Variants in MTUS1 observed in about 807,000 individuals in gnomAD.
The protein encoded by MTUS1 is microtubule associated scaffold protein 1.
MTUS1 carries 109 observed loss-of-function variants against 120.8 expected under a neutral mutation model. That is an observed-to-expected ratio of 0.90 (90% CI 0.77 to 1.06). The LOEUF is 1.06. MTUS1 is among the 50% of genes least tolerant of loss of function. The pLI, the probability that MTUS1 is intolerant of heterozygous loss-of-function variation, is 0.00. For missense variants in MTUS1, 2,210 were observed against 1,486.3 expected, an observed-to-expected ratio of 1.49 and a Z score of -8.01; for synonymous variants, 737 against 550.5, an observed-to-expected ratio of 1.34 and a Z score of -4.74.
At chr8:17,720,142 CG>C (rs974401831) in intron 4 of MTUS1, among the ~76,000 whole-genome samples, 2 of 152,048 alleles carry the variant, frequency 1.3e-5, no homozygotes, top group Non-Finnish European at 2.9e-5. Flanking sequence ...GTTAGGAGTT[CG>C]AGACCATCCT....
At chr8:17,700,089 T>G (rs994934738) in intron 6 of MTUS1, among the ~76,000 whole-genome samples, 1 of 152,178 alleles carries the variant, frequency 6.6e-6, no homozygotes, top group Non-Finnish European at 1.5e-5. Context: ...AAGATAGGCA[T>G]CACCAAGGAC....
intron 6 of MTUS1, among the ~76,000 whole-genome samples, chr8:17,704,431 C>A (rs760990685): frequency 2.6e-5 from 4 of 152,132 alleles, no homozygotes; most frequent in Non-Finnish European, 5.9e-5. Flanking sequence ...TTTAATCCAT[C>A]TCGAGTTGAT....
At chr8:17,727,917 T>A (rs1431485689) in intron 3 of MTUS1, among the ~76,000 whole-genome samples, 1 of 152,190 alleles carries the variant, frequency 6.6e-6, no homozygotes, top group Non-Finnish European at 1.5e-5. Context: ...TAACACAGTC[T>A]ATTGGATTTG....
intron 8 of MTUS1, among the ~76,000 whole-genome samples, chr8:17,662,102 C>T (rs945272059): frequency 3.3e-5 from 5 of 152,046 alleles, no homozygotes; most frequent in Non-Finnish European, 7.4e-5. Context: ...CATGGACTTT[C>T]CTGTGCACTG....
intron 8 of MTUS1, among the ~76,000 whole-genome samples, chr8:17,667,809 G>A (rs958028518): frequency 2.6e-5 from 4 of 152,114 alleles, no homozygotes; most frequent in African/African-American, 7.2e-5. Flanking sequence ...TAACCTCTGA[G>A]CCACAATTTA....
intron 2 of MTUS1, among the ~76,000 whole-genome samples, chr8:17,745,067 T>C (rs2047640962): frequency 6.6e-6 from 1 of 152,202 alleles, no homozygotes; most frequent in African/African-American, 2.4e-5. Flanking sequence ...TCCTCATATT[T>C]GGGTCAGAAT....
chr8:17,724,222 T>A (rs55835912), intron 3 of MTUS1: 3 of 399,778 alleles, frequency 7.5e-6, no homozygotes, highest in Non-Finnish European at 1.4e-5. Flanking sequence ...AAAAAAAAAA[T>A]AATCCATTAG....
chr8:17,653,328 G>C (rs1807449573), intron 11 of MTUS1, 47 bp from the exon 12 acceptor site: 3 of 1,485,338 alleles, frequency 2.0e-6, no homozygotes, highest in African/African-American at 1.4e-5. Context: ...GAAAACCCCA[G>C]AAACTCAGCA....
chr8:17,787,951 C>G (rs1051804125), intron 1 of MTUS1, among the ~76,000 whole-genome samples: 6 of 152,172 alleles, frequency 3.9e-5, no homozygotes, highest in Non-Finnish European at 7.4e-5. Context: ...GAAACCCCAC[C>G]TGCACTAAAA....
rs768654519 is a variant in MTUS1, at chr8:17,713,261, T to G, written c.2585-9A>C. On this transcript the variant is annotated splice_polypyrimidine_tract_variant and intron_variant, in intron 5 of 14. Transcript: ENST00000693296. ...ATTTTTTCTCGAAGGACCTAAGATATAAAAGAAACATGTAAAATACATATG... is the reference window on the plus strand; with the variant it reads ...ATTTTTTCTCGAAGGACCTAAGATAGAAAAGAAACATGTAAAATACATATG... The G allele has an allele frequency of 6.0e-6, 9 of 1,505,102 alleles. No individual in the cohort carries two copies. In the Admixed American group the frequency reaches 1.5e-4, roughly 26 times the overall value. 93.2% of individuals were successfully genotyped at this position (1,505,102 alleles called of 1,614,324 possible).
At position 17,653,183 on chromosome 8, in the gene MTUS1, T is replaced by C; in HGVS notation, c.3384+3A>G. On this transcript the variant is annotated splice_donor_region_variant and intron_variant, in intron 12 of 14. Transcript: ENST00000693296. ...TACTGATAAAGGAGCACACACAACT[T>C]ACCAAATTTGCTTTTTCTCTTGCTC... 1 of 1,517,750 alleles carries C rather than the reference T, an allele frequency of 6.6e-7. No individual in the cohort carries two copies. Among genetic ancestry groups the C allele is most frequent in the Non-Finnish European group, 8.9e-7 (1 of 1,129,016 alleles). 94.0% of individuals were successfully genotyped at this position (1,517,750 alleles called of 1,614,324 possible). A position where few individuals can be genotyped will look rare whatever the true frequency, so the allele number is the denominator to read the frequency against.
intron 6 of MTUS1, among the ~76,000 whole-genome samples, chr8:17,700,634 G>A (rs1818886558): frequency 6.6e-6 from 1 of 151,948 alleles, no homozygotes; most frequent in African/African-American, 2.4e-5. Context: ...TGCTCTGGGA[G>A]GTAGAAGAGG....
chr8:17,658,203 A>C (rs764598155), intron 8 of MTUS1, among the ~76,000 whole-genome samples: 21 of 152,194 alleles, frequency 1.4e-4, no homozygotes, highest in Non-Finnish European at 3.1e-4. Flanking sequence ...CGACCAGCTA[A>C]TTTTTGTATT....
In MTUS1 at chr8:17,754,900, T is replaced by A; in HGVS notation, c.908A>T (p.Asn303Ile). Residue 303 changes from asparagine to isoleucine, a missense_variant, in exon 2 of 15, where the codon AAT (asparagine) becomes ATT (isoleucine). Coordinates refer to ENST00000693296, the MANE Select transcript of MTUS1 (RefSeq NM_001363059.2). ...AAAGAACTCTTGTAATGCAGAATCA[T>A]TGGGGACTTCCATGCCATCAGAAAC... Reference protein sequence around the residue: ...TPVSDGMEVPNDSALQEFFCL... With the variant: ...TPVSDGMEVPIDSALQEFFCL... 1.2e-6 allele frequency: 2 copies of A among 1,614,222 alleles called. No homozygotes were observed. Among genetic ancestry groups the A allele is most frequent in the East Asian group, 4.5e-5 (2 of 44,884 alleles).
At chr8:17,777,685 G>C (rs1265750081) in intron 1 of MTUS1, among the ~76,000 whole-genome samples, 1 of 152,172 alleles carries the variant, frequency 6.6e-6, no homozygotes, top group East Asian at 1.9e-4. Flanking sequence ...GTTCTTAGAA[G>C]GACTCCATAT....
intron 1 of MTUS1, among the ~76,000 whole-genome samples, chr8:17,799,729 T>C (rs2052529421): frequency 6.6e-6 from 1 of 152,188 alleles, no homozygotes; most frequent in Non-Finnish European, 1.5e-5. Context: ...CATGATTTTC[T>C]ACCAAGCAGA....
rs375724220 is a variant in MTUS1, at chr8:17,676,172, G to C, written c.2839-920C>G. The C allele has an allele frequency of 2.8e-5, 19 of 686,446 alleles. No individual in the cohort carries two copies. In the African/African-American group the frequency reaches 3.2e-4, roughly 11 times the overall value. The allele number at this position is 686,446 out of a possible 1,614,324, so 42.5% of individuals were successfully genotyped here. ...AGATCATGAGACCCGGCCTTTGCAG[G>C]CAAGAGTTGCTTGTCATTCAAAGCA... is the stretch of plus-strand genomic sequence containing the variant. On this transcript the variant is annotated intron_variant, in intron 7 of 14. Coordinates refer to ENST00000693296, the MANE Select transcript of MTUS1 (RefSeq NM_001363059.2).
chr8:17,694,076 T>TA (rs1228474546), intron 6 of MTUS1, among the ~76,000 whole-genome samples: 1 of 152,226 alleles, frequency 6.6e-6, no homozygotes, highest in African/African-American at 2.4e-5. Flanking sequence ...GGCCACTTTT[T>TA]ACCTATTAAT....
At chr8:17,762,477 A>C (rs1003500118) in intron 1 of MTUS1, among the ~76,000 whole-genome samples, 2 of 152,154 alleles carry the variant, frequency 1.3e-5, no homozygotes, top group Non-Finnish European at 2.9e-5. Context: ...CTTGCAGCCT[A>C]CCTTTCATCA....
Sources: gnomAD v4.1 joint callset for allele counts (sites outside exome capture counted in the v4.1 genomes callset) on GRCh38, gnomAD v4.1.1 for gene constraint, MANE v1.5 for transcripts, NCBI Gene and HGNC (gene_info 2026-07-23, HGNC 2026-07-21) for gene names.